Variants in ARSK observed in about 807,000 individuals in gnomAD.
ARSK encodes the protein arylsulfatase K.
Under a neutral mutation model 53.2 loss-of-function variants are expected in ARSK, and 37 were observed. The observed-to-expected ratio is 0.70, with a 90% CI of 0.54 to 0.92. ARSK has a LOEUF of 0.92. Among genes scored for constraint, ARSK ranks in the 40% least tolerant of loss-of-function variants. The pLI is 0.00. For missense variants in ARSK, 613 were observed against 643.0 expected (o/e 0.95, Z 0.51); for synonymous variants, 208 against 223.2 (o/e 0.93, Z 0.61).
intron 1 of ARSK, among the ~76,000 whole-genome samples, chr5:95,565,254 A>ATTTT (rs553588408): frequency 2.0e-5 from 3 of 151,272 alleles, no homozygotes; most frequent in African/African-American, 7.3e-5. Flanking sequence ...AAGCTGCCTA[A>ATTTT]TTTTTTTTTG....
Position 95,561,811 on chromosome 5 carries a change from G to A in ARSK, c.127-4187G>A, listed in dbSNP as rs561797138. Reference sequence around the variant, plus strand: ...ATGAGAACATTCTAAAATCGACTATGGTAATGGTTGCACAGCTTTCTGAAT... The same window carrying A: ...ATGAGAACATTCTAAAATCGACTATAGTAATGGTTGCACAGCTTTCTGAAT... On this transcript the variant is annotated intron_variant, in intron 1 of 7. Transcript: ENST00000380009. Among the ~76,000 whole-genome samples the A allele has an allele frequency of 7.9e-5, 12 of 152,302 alleles. No individual in the cohort carries two copies. The South Asian group carries it at 2.5e-3, about 32-fold the overall frequency.
intron 6 of ARSK, among the ~76,000 whole-genome samples, chr5:95,599,317 A>G (rs1386637739): frequency 6.6e-6 from 1 of 152,224 alleles, no homozygotes; most frequent in Non-Finnish European, 1.5e-5. Flanking sequence ...AAAGGTTATT[A>G]AAATGCTGAG....
In ARSK at chr5:95,603,215, A is replaced by T. The variant is rs768993718; in HGVS notation, c.1322-22A>T. ...TTTTAGCAGGTCACTATTTTGACAG[A>T]TACTTATTTTTTTTCTTTCAGATCT... On this transcript the variant is annotated intron_variant, in intron 7 of 7. Coordinates refer to ENST00000380009, the MANE Select transcript of ARSK (RefSeq NM_198150.3). 2.0e-6 allele frequency: 3 copies of T among 1,519,834 alleles called. No homozygotes were observed. The South Asian group carries it at 4.1e-5, about 21-fold the overall frequency. The allele number at this position is 1,519,834 out of a possible 1,614,324, so 94.1% of individuals were successfully genotyped here. A position where few individuals can be genotyped will look rare whatever the true frequency, so the allele number is the denominator to read the frequency against.
At chr5:95,563,899 G>A (rs1561360422) in intron 1 of ARSK, among the ~76,000 whole-genome samples, 1 of 151,574 alleles carries the variant, frequency 6.6e-6, no homozygotes, top group Non-Finnish European at 1.5e-5. Flanking sequence ...TATACATTTG[G>A]AATTTGTGAG....
chr5:95,596,603 A>AAT (rs971762751), intron 6 of ARSK, among the ~76,000 whole-genome samples: 1 of 152,082 alleles, frequency 6.6e-6, no homozygotes, highest in East Asian at 1.9e-4. Context: ...TGTATCAAAA[A>AAT]ATATATATAT....
chr5:95,578,192 C>G (rs1261814261), intron 3 of ARSK, among the ~76,000 whole-genome samples: 1 of 152,076 alleles, frequency 6.6e-6, no homozygotes, highest in African/African-American at 2.4e-5. Context: ...CATTTTGTCA[C>G]CTAGGCTGGA....
chr5:95,570,280 T>C (rs1047517929), intron 3 of ARSK, among the ~76,000 whole-genome samples: 1 of 152,236 alleles, frequency 6.6e-6, no homozygotes, highest in African/African-American at 2.4e-5. Context: ...TCCCTCAGTA[T>C]GCACCTGGTC....
intron 4 of ARSK, among the ~76,000 whole-genome samples, chr5:95,584,739 T>A (rs1749081405): frequency 6.6e-6 from 1 of 151,612 alleles, no homozygotes; most frequent in Admixed American, 6.6e-5. Context: ...AGGACATGAA[T>A]AGGGCTCACG....
At chr5:95,597,849 G>C (rs1175273918) in intron 6 of ARSK, among the ~76,000 whole-genome samples, 2 of 147,886 alleles carry the variant, frequency 1.4e-5, no homozygotes, top group East Asian at 4.0e-4. Context: ...AGCCAAGATT[G>C]CGCCACTGCA....
At chr5:95,587,164 G>C (rs1033910132) in intron 5 of ARSK, among the ~76,000 whole-genome samples, 3 of 152,022 alleles carry the variant, frequency 2.0e-5, no homozygotes, top group Non-Finnish European at 4.4e-5. Flanking sequence ...ATTCTCCCCA[G>C]GCCCTTTAGA....
chr5:95,556,059 A>G (rs1054379585), intron 1 of ARSK: 4 of 598,706 alleles, frequency 6.7e-6, no homozygotes, highest in Non-Finnish European at 8.9e-6. Flanking sequence ...CCATGTTTTA[A>G]AAAGTGCTGC....
At chr5:95,582,402 T>A (rs1749033989) in intron 3 of ARSK, among the ~76,000 whole-genome samples, 1 of 152,130 alleles carries the variant, frequency 6.6e-6, no homozygotes, top group South Asian at 2.1e-4. Context: ...TAGCTCAGAT[T>A]ATAGTTAAAA....
chr5:95,555,241 G>C lies in ARSK; in HGVS notation c.-38G>C. 2 of 1,551,962 alleles carry C rather than the reference G, an allele frequency of 1.3e-6. No individual in the cohort carries two copies. The highest frequency in any genetic ancestry group is 1.7e-6 in the Non-Finnish European group (2 of 1,149,494). On this transcript the variant is annotated 5_prime_UTR_variant, in exon 1 of 8. Coordinates refer to ENST00000380009, the MANE Select transcript of ARSK (RefSeq NM_198150.3). The surrounding 1 kb of genome is among the most constrained non-coding windows in gnomAD (Gnocchi z 4.0). ...AGGGAGAGAACGCCAGAGGGAGGCGGCTGGCCCGGCGGCAGGCTCTCAGAA... is the reference window on the plus strand; with the variant it reads ...AGGGAGAGAACGCCAGAGGGAGGCGCCTGGCCCGGCGGCAGGCTCTCAGAA...
At chr5:95,562,274 C>G (rs1212985380) in intron 1 of ARSK, among the ~76,000 whole-genome samples, 3 of 152,040 alleles carry the variant, frequency 2.0e-5, no homozygotes, top group Admixed American at 1.3e-4. Context: ...CTGCCTGGGT[C>G]TTAAAGGACA....
chr5:95,580,163 C>A (rs1022839672), intron 3 of ARSK, among the ~76,000 whole-genome samples: 1 of 152,146 alleles, frequency 6.6e-6, no homozygotes, highest in African/African-American at 2.4e-5. Flanking sequence ...TTTGGATCCT[C>A]CTCATTGATG....
At chr5:95,576,389 G>C (rs559379019) in intron 3 of ARSK, among the ~76,000 whole-genome samples, 1 of 151,244 alleles carries the variant, frequency 6.6e-6, no homozygotes, top group Non-Finnish European at 1.5e-5. Flanking sequence ...AGTAGAGATG[G>C]GGTTTCACAA....
intron 1 of ARSK, among the ~76,000 whole-genome samples, chr5:95,563,926 T>C (rs577636559): frequency 6.6e-6 from 1 of 152,158 alleles, no homozygotes; most frequent in African/African-American, 2.4e-5. Context: ...TTTCTGAGAA[T>C]TTGAATTTAA....
Position 95,572,090 on chromosome 5 carries a change from C to T in ARSK, c.416+4041C>T, listed in dbSNP as rs958308524. 1.3e-3 allele frequency among the ~76,000 whole-genome samples: 201 copies of T among 152,248 alleles called. 3 individuals are homozygous for T. The highest frequency in any genetic ancestry group is 2.8e-4 in the Non-Finnish European group (19 of 68,016). On this transcript the variant is annotated intron_variant, in intron 3 of 7. Coordinates refer to ENST00000380009, the MANE Select transcript of ARSK (RefSeq NM_198150.3). Reference sequence around the variant, plus strand: ...ACTTCCATCTGTCTTTTTTAGGCATCAGCGATGCTTCCTTCTTGTACCAGT... The same window carrying T: ...ACTTCCATCTGTCTTTTTTAGGCATTAGCGATGCTTCCTTCTTGTACCAGT...
At position 95,601,199 on chromosome 5, in the gene ARSK, T is replaced by C. The variant is rs1483198717; in HGVS notation, c.1321+128T>C. The stretch of plus-strand genomic sequence containing the variant: ...TCTGCTGCTTCTCATGCTAGGACGA[T>C]CTACAAAAGGTTGCCCATGTGAGGA... On this transcript the variant is annotated intron_variant, in intron 7 of 7. Coordinates refer to ENST00000380009, the MANE Select transcript of ARSK (RefSeq NM_198150.3). The C allele has an allele frequency of 3.2e-6, 3 of 944,992 alleles. No homozygotes were observed. The Admixed American group carries it at 7.6e-5, about 24-fold the overall frequency. The allele number at this position is 944,992 out of a possible 1,614,324, so 58.5% of individuals were successfully genotyped here.
Sources: gnomAD v4.1 joint callset for allele counts (sites outside exome capture counted in the v4.1 genomes callset) on GRCh38, gnomAD v4.1.1 for gene constraint, Gnocchi (gnomAD v3.1) non-coding constraint, MANE v1.5 for transcripts, NCBI Gene and HGNC (gene_info 2026-07-23, HGNC 2026-07-21) for gene names.